MAD1L1: variants seen among roughly 807,000 people sequenced by gnomAD.
MAD1L1 encodes mitotic arrest deficient 1 like 1.
A neutral mutation model predicts 96.9 loss-of-function variants in MAD1L1; 95 were observed. The ratio of observed to expected loss-of-function variants is 0.98; its 90% CI spans 0.83 to 1.16. The LOEUF is 1.16. Ranked by LOEUF, MAD1L1 falls within the 50% of genes most tolerant of loss-of-function variation. The pLI, the probability that MAD1L1 is intolerant of heterozygous loss-of-function variation, is 0.00. For synonymous variants in MAD1L1, 473 were observed against 396.6 expected (o/e 1.19, Z -2.29); for missense variants, 1,007 against 954.4 (o/e 1.06, Z -0.73).
chr7:1,829,576 G>C (rs559283156), intron 18 of MAD1L1: 2 of 152,236 alleles, frequency 1.3e-5, no homozygotes, highest in South Asian at 4.1e-4. Flanking sequence ...GAGCCAGTGA[G>C]TTCTGCAGCG....
chr7:1,982,565 G>A (rs1312742657), intron 14 of MAD1L1, among the ~76,000 whole-genome samples: 2 of 151,982 alleles, frequency 1.3e-5, no homozygotes, highest in Non-Finnish European at 2.9e-5. Flanking sequence ...TTTGTTTCCC[G>A]CCCCCTTCAC....
intron 16 of MAD1L1, among the ~76,000 whole-genome samples, chr7:1,954,884 G>C (rs1039045752): frequency 6.6e-6 from 1 of 152,092 alleles, no homozygotes; most frequent in East Asian, 1.9e-4. Flanking sequence ...CCCACTTCCA[G>C]CCCCTTCAGC....
chr7:1,937,110 C>T (rs1192239815), intron 16 of MAD1L1, among the ~76,000 whole-genome samples: 2 of 152,214 alleles, frequency 1.3e-5, no homozygotes, highest in African/African-American at 4.8e-5. Flanking sequence ...GGTGCAGGAA[C>T]AAGGCCTGGC....
At chr7:1,915,214 T>G (rs1203210536) in intron 17 of MAD1L1, among the ~76,000 whole-genome samples, 1 of 152,188 alleles carries the variant, frequency 6.6e-6, no homozygotes, top group East Asian at 1.9e-4. Context: ...CCCTAATGGA[T>G]GTTGCTTTTC....
chr7:2,032,829 C>T (rs1174868277), intron 12 of MAD1L1, among the ~76,000 whole-genome samples: 2 of 152,196 alleles, frequency 1.3e-5, no homozygotes, highest in Non-Finnish European at 2.9e-5. Context: ...CAGACGTGAG[C>T]ACTGTAAGAA....
intron 18 of MAD1L1, among the ~76,000 whole-genome samples, chr7:1,840,286 A>C (rs1308256473): frequency 6.6e-6 from 1 of 152,082 alleles, no homozygotes; most frequent in Non-Finnish European, 1.5e-5. Flanking sequence ...ACAAACTCTA[A>C]TTCACCCGTG....
intron 10 of MAD1L1, among the ~76,000 whole-genome samples, chr7:2,205,029 C>T (rs561410882): frequency 2.7e-5 from 4 of 149,584 alleles, no homozygotes; most frequent in East Asian, 2.0e-4. Flanking sequence ...TTTTAAGTAA[C>T]GAGAGAAATC....
At chr7:1,818,278 T>C (rs1327309733) in intron 18 of MAD1L1, among the ~76,000 whole-genome samples, 2 of 152,120 alleles carry the variant, frequency 1.3e-5, no homozygotes, top group East Asian at 3.8e-4. Context: ...TGACGCACTG[T>C]GGTGCAGACT....
chr7:1,918,977 G>A (rs552200456), intron 17 of MAD1L1, among the ~76,000 whole-genome samples: 5 of 152,236 alleles, frequency 3.3e-5, no homozygotes, highest in Admixed American at 3.3e-4. Flanking sequence ...CTGTCTCTGG[G>A]TCACCCCAGG....
chr7:1,840,508 T>C (rs1562443966), intron 18 of MAD1L1, among the ~76,000 whole-genome samples: 1 of 152,126 alleles, frequency 6.6e-6, no homozygotes, highest in African/African-American at 2.4e-5. Context: ...GGCAGATGGA[T>C]CACCTGAGCT....
chr7:1,954,064 C>T (rs555004652), intron 16 of MAD1L1, among the ~76,000 whole-genome samples: 75 of 152,330 alleles, frequency 4.9e-4, no homozygotes, highest in South Asian at 3.5e-3. Flanking sequence ...CGACCAGCCT[C>T]ACTGTGGGTC....
At chr7:2,205,998 G>A (rs1792579091) in intron 10 of MAD1L1, among the ~76,000 whole-genome samples, 1 of 152,072 alleles carries the variant, frequency 6.6e-6, no homozygotes, top group Non-Finnish European at 1.5e-5. Context: ...CGGGTGTGGT[G>A]GTGCACGCCT....
At chr7:1,860,251 G>A (rs1456449613) in intron 18 of MAD1L1, among the ~76,000 whole-genome samples, 5 of 143,454 alleles carry the variant, frequency 3.5e-5, no homozygotes, top group East Asian at 2.1e-4. Flanking sequence ...CCTGCGGGGC[G>A]GCCTCTGTTC....
At chr7:1,898,778 C>T (rs551846624) in intron 17 of MAD1L1, among the ~76,000 whole-genome samples, 1 of 152,262 alleles carries the variant, frequency 6.6e-6, no homozygotes, top group African/African-American at 2.4e-5. Context: ...AGGCGTGACT[C>T]GGGGTTCGCT....
intron 18 of MAD1L1, among the ~76,000 whole-genome samples, chr7:1,878,519 T>C (rs1381588410): frequency 1.3e-5 from 2 of 151,890 alleles, no homozygotes; most frequent in Non-Finnish European, 2.9e-5. Context: ...TCAACCAGTA[T>C]TACTTACAAT....
chr7:1,989,899 A>G (rs1781329628), intron 14 of MAD1L1, among the ~76,000 whole-genome samples: 1 of 152,220 alleles, frequency 6.6e-6, no homozygotes, highest in Non-Finnish European at 1.5e-5. Flanking sequence ...ATTCATGCTA[A>G]TGGTCCTTGT....
At chr7:1,898,715 G>A (rs372699065) in intron 17 of MAD1L1, among the ~76,000 whole-genome samples, 8 of 152,350 alleles carry the variant, frequency 5.3e-5, no homozygotes, top group African/African-American at 1.9e-4. Flanking sequence ...GACAACCCCT[G>A]GAGCCAGCAC....
intron 11 of MAD1L1, among the ~76,000 whole-genome samples, chr7:2,108,336 C>G (rs1787201991): frequency 6.6e-6 from 1 of 152,178 alleles, no homozygotes; most frequent in Non-Finnish European, 1.5e-5. Context: ...TCATGTCATT[C>G]ATCCGCGTCA....
chr7:1,926,465 T>C (rs868203289), intron 17 of MAD1L1, among the ~76,000 whole-genome samples: 1 of 152,208 alleles, frequency 6.6e-6, no homozygotes, highest in Non-Finnish European at 1.5e-5. Flanking sequence ...GACGTGAAGA[T>C]TACTGACGAT....
Sources: gnomAD v4.1 joint callset for allele counts (sites outside exome capture counted in the v4.1 genomes callset) on GRCh38, gnomAD v4.1.1 for gene constraint, MANE v1.5 for transcripts, NCBI Gene and HGNC (gene_info 2026-07-23, HGNC 2026-07-21) for gene names.